Variants in SLC35F3 observed in about 807,000 individuals in gnomAD.
The protein encoded by SLC35F3 is putative thiamine transporter SLC35F3.
A neutral mutation model predicts 49.9 loss-of-function variants in SLC35F3; 25 were observed. The observed-to-expected ratio is 0.50, with a 90% CI of 0.37 to 0.70. The LOEUF is 0.70. SLC35F3 is among the 30% of genes least tolerant of loss of function. SLC35F3 has a pLI of 0.00. For synonymous variants in SLC35F3, 275 were observed against 265.4 expected, an observed-to-expected ratio of 1.04 and a Z score of -0.35; for missense variants, 525 against 639.8, an observed-to-expected ratio of 0.82 and a Z score of 1.94.
chr1:234,075,317 A>T (rs1664776119), intron 2 of SLC35F3, among the ~76,000 whole-genome samples: 1 of 152,230 alleles, frequency 6.6e-6, no homozygotes, highest in African/African-American at 2.4e-5. Context: ...CCCCACATGC[A>T]TGCCAAGCCC....
intron 2 of SLC35F3, among the ~76,000 whole-genome samples, chr1:234,049,592 A>G (rs2102856836): frequency 6.6e-6 from 1 of 152,280 alleles, no homozygotes; most frequent in South Asian, 2.1e-4. Context: ...AGGGAAGCCC[A>G]AGCTAATACA....
At chr1:234,200,799 G>A (rs904876180) in intron 2 of SLC35F3, among the ~76,000 whole-genome samples, 2 of 152,002 alleles carry the variant, frequency 1.3e-5, no homozygotes, top group African/African-American at 2.4e-5. Flanking sequence ...AAATACTCTC[G>A]GCTTCATTGC....
At chr1:234,185,673 T>C (rs2102925966) in intron 2 of SLC35F3, among the ~76,000 whole-genome samples, 1 of 152,246 alleles carries the variant, frequency 6.6e-6, no homozygotes. Context: ...CCAGGGGTGA[T>C]GGCAGGGACT....
intron 2 of SLC35F3, among the ~76,000 whole-genome samples, chr1:233,986,415 T>C (rs1663266966): frequency 6.6e-6 from 1 of 152,208 alleles, no homozygotes; most frequent in Non-Finnish European, 1.5e-5. Context: ...CATGGTGGTT[T>C]AGCTTCCAAA....
At chr1:233,967,341 G>T (rs2102815213) in intron 2 of SLC35F3, among the ~76,000 whole-genome samples, 1 of 152,180 alleles carries the variant, frequency 6.6e-6, no homozygotes, top group South Asian at 2.1e-4. Context: ...TATTAGTAAG[G>T]ATTCTAGGCA....
intron 2 of SLC35F3, among the ~76,000 whole-genome samples, chr1:233,911,616 T>G (rs1290260719): frequency 6.6e-6 from 1 of 152,250 alleles, no homozygotes; most frequent in African/African-American, 2.4e-5. Context: ...TTATAAACCC[T>G]TCGCATCTGC....
intron 3 of SLC35F3, among the ~76,000 whole-genome samples, chr1:234,296,029 AATC>A (rs1275526578): frequency 6.6e-6 from 1 of 152,274 alleles, no homozygotes; most frequent in Non-Finnish European, 1.5e-5. Context: ...AACTCAAACC[AATC>A]ATTGCTGATG....
chr1:234,202,150 A>T (rs1666909409), intron 2 of SLC35F3, among the ~76,000 whole-genome samples: 1 of 152,240 alleles, frequency 6.6e-6, no homozygotes, highest in Admixed American at 6.5e-5. Context: ...CTGATGCAGG[A>T]ACAGAAAACC....
chr1:234,139,165 T>G (rs1166548526), intron 2 of SLC35F3, among the ~76,000 whole-genome samples: 1 of 152,200 alleles, frequency 6.6e-6, no homozygotes, highest in Non-Finnish European at 1.5e-5. Context: ...CCTATATGAT[T>G]CCCAAAGTGG....
chr1:234,178,244 C>T (rs1048501017), intron 2 of SLC35F3, among the ~76,000 whole-genome samples: 20 of 152,076 alleles, frequency 1.3e-4, no homozygotes, highest in Admixed American at 2.0e-4. Context: ...CATAAAGTCC[C>T]GAGGCATAGG....
Position 234,323,223 on chromosome 1 carries a change from C to T in SLC35F3, c.1453C>T (p.Arg485Cys), listed in dbSNP as rs775397698. The T allele has an allele frequency of 3.1e-6, 5 of 1,613,730 alleles. No homozygotes were observed. The highest frequency in any genetic ancestry group is 1.1e-5 in the South Asian group (1 of 91,032). ...SGPQSKNRRA[R>C]PSFAR ...ACCTCAGAGCAAGAACAGAAGAGCC[C>T]GCCCTTCCTTCGCCCGCTAACACCA... Residue 485 changes from arginine to cysteine, a missense_variant, in exon 8 of 8, where the codon CGC becomes TGC. Arg to Cys is a radical substitution (Grantham distance 180). Around this residue, in one of 4 missense-constraint regions of SLC35F3, gnomAD observed 76 missense variants for 95.6 expected, o/e 0.80. Coordinates refer to ENST00000366618, the MANE Select transcript of SLC35F3 (RefSeq NM_173508.4). The surrounding 1 kb of genome is among the most constrained non-coding windows in gnomAD (Gnocchi z 4.5).
At chr1:234,114,505 A>T (rs1281816005) in intron 2 of SLC35F3, among the ~76,000 whole-genome samples, 1 of 152,214 alleles carries the variant, frequency 6.6e-6, no homozygotes, top group Non-Finnish European at 1.5e-5. Flanking sequence ...AGAATTGCAG[A>T]ATACCGTGAG....
chr1:234,086,568 A>C (rs1490168071), intron 2 of SLC35F3, among the ~76,000 whole-genome samples: 1 of 152,262 alleles, frequency 6.6e-6, no homozygotes, highest in Non-Finnish European at 1.5e-5. Flanking sequence ...TCAATCCTAC[A>C]AAATCCTTCA....
chr1:233,906,550 C>T (rs1252225637), intron 2 of SLC35F3, among the ~76,000 whole-genome samples: 1 of 152,146 alleles, frequency 6.6e-6, no homozygotes, highest in Non-Finnish European at 1.5e-5. Context: ...TAGGTGGTCT[C>T]ATCACTGTAG....
intron 3 of SLC35F3, among the ~76,000 whole-genome samples, chr1:234,235,628 G>A (rs780210573): frequency 6.6e-5 from 10 of 152,224 alleles, no homozygotes; most frequent in South Asian, 2.1e-4. Context: ...ACCTGCTTTC[G>A]AAAGCAAATG....
intron 2 of SLC35F3, among the ~76,000 whole-genome samples, chr1:234,170,737 G>A (rs898840842): frequency 3.3e-5 from 5 of 152,180 alleles, no homozygotes; most frequent in African/African-American, 1.2e-4. Flanking sequence ...GAGGTGACCA[G>A]GTTACCTAAC....
Position 234,183,009 on chromosome 1 carries a change from T to G in SLC35F3, c.284-48408T>G, listed in dbSNP as rs936370503. The stretch of plus-strand genomic sequence containing the variant: ...AATTTTATTTGCCTTTTTACTTTGC[T>G]TAAGACTTTTTGTTTGTTTGTTTTT... On this transcript the variant is annotated intron_variant, in intron 2 of 7. Coordinates refer to ENST00000366618, the MANE Select transcript of SLC35F3 (RefSeq NM_173508.4). Among the ~76,000 whole-genome samples, 17 of 143,356 alleles carry G rather than the reference T, an allele frequency of 1.2e-4. 1 individual carries two copies. Among genetic ancestry groups the G allele is most frequent in the African/African-American group, 4.1e-4 (17 of 41,244 alleles). 94.0% of individuals were successfully genotyped at this position (143,356 alleles called of 152,430 possible).
chr1:234,299,314 C>T (rs1347738912), intron 3 of SLC35F3, among the ~76,000 whole-genome samples: 1 of 152,150 alleles, frequency 6.6e-6, no homozygotes, highest in East Asian at 1.9e-4. Context: ...CTGGGAGAAG[C>T]CCTTGTAAAC....
intron 2 of SLC35F3, among the ~76,000 whole-genome samples, chr1:234,044,094 G>A (rs1376486030): frequency 3.3e-5 from 5 of 152,104 alleles, no homozygotes; most frequent in Admixed American, 6.5e-5. Flanking sequence ...ACCTTCTCAC[G>A]GTAGTGAGTT....
Sources: gnomAD v4.1 joint callset for allele counts (sites outside exome capture counted in the v4.1 genomes callset) on GRCh38, gnomAD v4.1.1 for gene constraint, gnomAD v4.1.1 regional missense constraint, Gnocchi (gnomAD v3.1) non-coding constraint, MANE v1.5 for transcripts, NCBI Gene and HGNC (gene_info 2026-07-23, HGNC 2026-07-21) for gene names.